The following NELL1 variants were observed in gnomAD, a reference collection of about 807,000 sequenced individuals.
The protein encoded by NELL1 is neural EGFL like 1, also known as protein kinase C-binding protein NELL1.
NELL1 carries 76 observed loss-of-function variants against 107.4 expected under a neutral mutation model. The ratio of observed to expected loss-of-function variants is 0.71; its 90% CI spans 0.59 to 0.86. The LOEUF is 0.86. Among genes scored for constraint, NELL1 ranks in the 40% least tolerant of loss-of-function variants. The pLI, the probability that NELL1 is intolerant of heterozygous loss-of-function variation, is 0.00. For missense variants in NELL1, 1,024 were observed against 1,005.5 expected (o/e 1.02, Z -0.25); for synonymous variants, 353 against 341.2 (o/e 1.03, Z -0.38).
chr11:21,081,597 A>G (rs1854270924), intron 12 of NELL1, among the ~76,000 whole-genome samples: 1 of 152,162 alleles, frequency 6.6e-6, no homozygotes, highest in Non-Finnish European at 1.5e-5. Flanking sequence ...TCCAATTTGA[A>G]CACTGGAAGC....
intron 5 of NELL1, among the ~76,000 whole-genome samples, chr11:20,914,661 G>A (rs569421624): frequency 4.7e-4 from 71 of 152,162 alleles, no homozygotes; most frequent in African/African-American, 1.6e-3. Flanking sequence ...TGCCCTTGGC[G>A]GAGAGAAGGG....
intron 15 of NELL1, among the ~76,000 whole-genome samples, chr11:21,430,375 C>A (rs772255544): frequency 1.3e-5 from 2 of 152,094 alleles, no homozygotes; most frequent in Non-Finnish European, 2.9e-5. Flanking sequence ...GTAGCATCTT[C>A]TGAATAACAA....
intron 12 of NELL1, among the ~76,000 whole-genome samples, chr11:20,974,477 C>CT (rs140693199): frequency 8.1e-4 from 120 of 147,534 alleles, no homozygotes; most frequent in African/African-American, 1.3e-3. Context: ...TTCCTGTTAT[C>CT]TTTTTTTTTT....
At chr11:21,124,753 C>T (rs1467187154) in intron 13 of NELL1, among the ~76,000 whole-genome samples, 1 of 152,042 alleles carries the variant, frequency 6.6e-6, no homozygotes, top group Admixed American at 6.5e-5. Flanking sequence ...AGGCATGCAC[C>T]ACCACACCCA....
intron 3 of NELL1, among the ~76,000 whole-genome samples, chr11:20,836,978 A>G (rs139002025): frequency 1.3e-5 from 2 of 152,284 alleles, no homozygotes; most frequent in African/African-American, 4.8e-5. Context: ...TAGGAAGTTA[A>G]GAGATCCCAG....
intron 14 of NELL1, among the ~76,000 whole-genome samples, chr11:21,317,604 G>T (rs965056891): frequency 2.0e-5 from 3 of 151,784 alleles, no homozygotes; most frequent in Non-Finnish European, 4.4e-5. Flanking sequence ...ACCCTTCCTT[G>T]CGGCATTTGA....
At chr11:20,946,281 G>C (rs549850262) in intron 10 of NELL1, among the ~76,000 whole-genome samples, 1 of 152,242 alleles carries the variant, frequency 6.6e-6, no homozygotes, top group South Asian at 2.1e-4. Context: ...CCTTAAATGA[G>C]ATGCCTCTTC....
intron 4 of NELL1, among the ~76,000 whole-genome samples, chr11:20,853,438 TTCATTCATTCAC>T (rs1295524241): frequency 6.6e-6 from 1 of 152,232 alleles, no homozygotes; most frequent in African/African-American, 2.4e-5. Flanking sequence ...TTCTCATTCA[TTCATTCATTCAC>T]TCATTCATAT....
At chr11:21,507,799 T>G (rs1855324126) in intron 15 of NELL1, among the ~76,000 whole-genome samples, 2 of 151,630 alleles carry the variant, frequency 1.3e-5, no homozygotes, top group Non-Finnish European at 2.9e-5. Context: ...TTTTTTTTTT[T>G]GAGACGGAGT....
intron 15 of NELL1, among the ~76,000 whole-genome samples, chr11:21,399,193 A>G (rs143050105): frequency 8.4e-4 from 128 of 151,932 alleles, no homozygotes; most frequent in Admixed American, 3.9e-3. Flanking sequence ...ATATCAATTT[A>G]AGGTCAGTTG....
At chr11:21,244,172 G>T (rs1435193936) in intron 14 of NELL1, among the ~76,000 whole-genome samples, 1 of 152,104 alleles carries the variant, frequency 6.6e-6, no homozygotes, top group East Asian at 1.9e-4. Flanking sequence ...TAAGATAAGA[G>T]AGTAGGAGAA....
intron 13 of NELL1, among the ~76,000 whole-genome samples, chr11:21,142,235 G>T (rs1203314081): frequency 6.6e-6 from 1 of 152,160 alleles, no homozygotes; most frequent in African/African-American, 2.4e-5. Context: ...GAGCCTTTCT[G>T]CTCCTCTCAA....
intron 13 of NELL1, among the ~76,000 whole-genome samples, chr11:21,214,842 T>C (rs968282501): frequency 6.6e-6 from 1 of 152,152 alleles, no homozygotes; most frequent in African/African-American, 2.4e-5. Context: ...GAGATTGTGT[T>C]GGTGGTTTTG....
At chr11:20,977,498 T>C (rs891339792) in intron 12 of NELL1, among the ~76,000 whole-genome samples, 3 of 152,140 alleles carry the variant, frequency 2.0e-5, no homozygotes, top group African/African-American at 7.2e-5. Flanking sequence ...TCTCCTGACC[T>C]CATGATCCAC....
intron 14 of NELL1, among the ~76,000 whole-genome samples, chr11:21,354,906 T>C (rs371102084): frequency 6.6e-6 from 1 of 152,136 alleles, no homozygotes; most frequent in Non-Finnish European, 1.5e-5. Flanking sequence ...GGCTCTGATA[T>C]AGCAGTGTAA....
intron 12 of NELL1, among the ~76,000 whole-genome samples, chr11:20,962,004 C>T (rs962809528): frequency 6.6e-6 from 1 of 151,766 alleles, no homozygotes; most frequent in African/African-American, 2.4e-5. Flanking sequence ...TTTGTTACTA[C>T]CATAATTTTT....
chr11:21,001,504 A>C (rs1852220402), intron 12 of NELL1, among the ~76,000 whole-genome samples: 1 of 150,636 alleles, frequency 6.6e-6, no homozygotes, highest in African/African-American at 2.5e-5. Flanking sequence ...AAGGGGCATG[A>C]ATGGAAAGGA....
chr11:20,918,136 C>G, intron 5 of NELL1, 46 bp from the exon 6 acceptor site: 3 of 1,039,488 alleles, frequency 2.9e-6, no homozygotes, highest in South Asian at 2.5e-5. Context: ...GACATTTGAG[C>G]TGGTGACTGT....
chr11:20,983,688 G>C (rs1438426622), intron 12 of NELL1, among the ~76,000 whole-genome samples: 2 of 152,040 alleles, frequency 1.3e-5, no homozygotes, highest in African/African-American at 4.8e-5. Context: ...TAGACCCAGC[G>C]TTTCATGTTT....
Sources: gnomAD v4.1 joint callset for allele counts (sites outside exome capture counted in the v4.1 genomes callset) on GRCh38, gnomAD v4.1.1 for gene constraint, MANE v1.5 for transcripts, NCBI Gene and HGNC (gene_info 2026-07-23, HGNC 2026-07-21) for gene names.